The following RGS7 variants were observed in gnomAD, a reference collection of about 807,000 sequenced individuals.
The protein encoded by RGS7 is regulator of G-protein signaling 7.
Under a neutral mutation model 81.1 loss-of-function variants are expected in RGS7, and 27 were observed. That is an observed-to-expected ratio of 0.33 (90% CI 0.25 to 0.46). The LOEUF (loss-of-function observed/expected upper bound fraction) is 0.46. RGS7 is among the 20% of genes least tolerant of loss of function. RGS7 has a pLI of 1.00. For missense variants in RGS7, 396 were observed against 607.4 expected (o/e 0.65, Z 3.66); for synonymous variants, 208 against 207.7 (o/e 1.00, Z -0.01).
chr1:241,261,896 G>A (rs372954590), intron 2 of RGS7, among the ~76,000 whole-genome samples: 2 of 152,200 alleles, frequency 1.3e-5, no homozygotes, highest in African/African-American at 4.8e-5. Context: ...AAAAATGGGG[G>A]AAATTTGCTG....
intron 6 of RGS7, among the ~76,000 whole-genome samples, chr1:240,892,553 T>A (rs1668445645): frequency 6.6e-6 from 1 of 152,186 alleles, no homozygotes; most frequent in Non-Finnish European, 1.5e-5. Flanking sequence ...CCTAAAGCTG[T>A]CTTCTTACAT....
At chr1:240,797,163 G>A (rs956184211) in intron 18 of RGS7, among the ~76,000 whole-genome samples, 3 of 152,040 alleles carry the variant, frequency 2.0e-5, no homozygotes, top group Admixed American at 6.6e-5. Context: ...GCTACTTTCC[G>A]GGAAACTGAT....
intron 3 of RGS7, among the ~76,000 whole-genome samples, chr1:241,006,729 C>T (rs2058701334): frequency 6.6e-6 from 1 of 152,144 alleles, no homozygotes; most frequent in Non-Finnish European, 1.5e-5. Context: ...GCTTGAACAA[C>T]ACAGGTTTGA....
intron 2 of RGS7, among the ~76,000 whole-genome samples, chr1:241,257,344 C>T (rs2077102086): frequency 6.6e-6 from 1 of 152,000 alleles, no homozygotes; most frequent in African/African-American, 2.4e-5. Context: ...GATCTACTCA[C>T]CACCTAAAGG....
intron 6 of RGS7, among the ~76,000 whole-genome samples, chr1:240,904,594 T>C (rs1194416594): frequency 6.6e-6 from 1 of 152,210 alleles, no homozygotes; most frequent in Non-Finnish European, 1.5e-5. Flanking sequence ...GAAATCTAAA[T>C]TTTAGAAAAC....
chr1:241,259,631 CAA>C (rs1463059041), intron 2 of RGS7, among the ~76,000 whole-genome samples: 3 of 75,314 alleles, frequency 4.0e-5, no homozygotes, highest in African/African-American at 1.4e-4. Context: ...GCCTGGACAA[CAA>C]GAGCGAAACT....
intron 2 of RGS7, among the ~76,000 whole-genome samples, chr1:241,175,904 A>G (rs2071104972): frequency 1.3e-5 from 2 of 152,234 alleles, no homozygotes; most frequent in African/African-American, 4.8e-5. Flanking sequence ...AACGAATAAG[A>G]ACAGCTAAAC....
At chr1:241,345,974 C>A (rs908688411) in intron 2 of RGS7, among the ~76,000 whole-genome samples, 4 of 152,142 alleles carry the variant, frequency 2.6e-5, no homozygotes, top group African/African-American at 9.7e-5. Context: ...GAGATCACGC[C>A]ACTGCACTCC....
At chr1:241,327,039 GGAGGGAGGGGA>G (rs1224152799) in intron 2 of RGS7, among the ~76,000 whole-genome samples, 86 of 23,940 alleles carry the variant, frequency 3.6e-3, no homozygotes, top group East Asian at 7.4e-3. Context: ...AGGAAGGAAG[GGAGGGAGGGGA>G]AAGGAAGGAA....
At chr1:241,131,049 C>T (rs2067054068) in intron 2 of RGS7, among the ~76,000 whole-genome samples, 4 of 151,434 alleles carry the variant, frequency 2.6e-5, no homozygotes, top group African/African-American at 9.7e-5. Context: ...ATTTATTTAA[C>T]GCCAGTTTGA....
At chr1:241,223,013 C>A (rs1347198983) in intron 2 of RGS7, among the ~76,000 whole-genome samples, 1 of 152,146 alleles carries the variant, frequency 6.6e-6, no homozygotes, top group Non-Finnish European at 1.5e-5. Flanking sequence ...TTGATGGCTG[C>A]ATAGTATTCC....
chr1:241,263,703 G>T (rs913865978), intron 2 of RGS7, among the ~76,000 whole-genome samples: 2 of 151,986 alleles, frequency 1.3e-5, no homozygotes. Flanking sequence ...ACATCAAATT[G>T]GATCCCATAA....
At chr1:241,142,046 T>C (rs2067957947) in intron 2 of RGS7, among the ~76,000 whole-genome samples, 1 of 152,204 alleles carries the variant, frequency 6.6e-6, no homozygotes, top group African/African-American at 2.4e-5. Flanking sequence ...GGCAGTCAAA[T>C]CTTAAAGCTC....
chr1:241,168,629 G>A (rs895555835), intron 2 of RGS7, among the ~76,000 whole-genome samples: 11 of 152,026 alleles, frequency 7.2e-5, no homozygotes, highest in Admixed American at 2.0e-4. Context: ...GATTTTGTTC[G>A]AGCCCCTATA....
chr1:241,290,985 C>A (rs1331660641), intron 2 of RGS7, among the ~76,000 whole-genome samples: 1 of 152,198 alleles, frequency 6.6e-6, no homozygotes, highest in Non-Finnish European at 1.5e-5. Flanking sequence ...CAGCCTATTG[C>A]AGAGTGAACA....
At chr1:241,153,690 GTAA>G (rs771704051) in intron 2 of RGS7, among the ~76,000 whole-genome samples, 31 of 152,324 alleles carry the variant, frequency 2.0e-4, no homozygotes, top group Non-Finnish European at 3.8e-4. Context: ...GACTTTTTCA[GTAA>G]TAATGGTGGA....
chr1:241,192,251 ACG>A (rs1491551341), intron 2 of RGS7, among the ~76,000 whole-genome samples: 3 of 14,550 alleles, frequency 2.1e-4, no homozygotes, highest in Non-Finnish European at 4.1e-4. Context: ...TTCTGTCTGC[ACG>A]TGTGTGTGTG....
intron 4 of RGS7, among the ~76,000 whole-genome samples, chr1:240,938,889 C>A (rs891739394): frequency 1.3e-5 from 2 of 151,552 alleles, no homozygotes; most frequent in African/African-American, 4.9e-5. Context: ...AAGTCAAGGC[C>A]TTCTCAAAGC....
chr1:241,261,249 G>A (rs2148283639), intron 2 of RGS7, among the ~76,000 whole-genome samples: 1 of 152,238 alleles, frequency 6.6e-6, no homozygotes, highest in South Asian at 2.1e-4. Flanking sequence ...AGTAGCCTCG[G>A]AGTGTCTTGG....
Sources: gnomAD v4.1 joint callset for allele counts (sites outside exome capture counted in the v4.1 genomes callset) on GRCh38, gnomAD v4.1.1 for gene constraint, MANE v1.5 for transcripts, NCBI Gene and HGNC (gene_info 2026-07-23, HGNC 2026-07-21) for gene names.